MGMT: variants seen among roughly 807,000 people sequenced by gnomAD.
MGMT encodes the protein O-6-methylguanine-DNA methyltransferase, also known as methylated-DNA--protein-cysteine methyltransferase.
A neutral mutation model predicts 15.9 loss-of-function variants in MGMT; 14 were observed. That is an observed-to-expected ratio of 0.88 (90% CI 0.58 to 1.37). The LOEUF (loss-of-function observed/expected upper bound fraction) is 1.37, where lower values mean the gene tolerates loss of function less well. MGMT is among the 40% of genes most tolerant of loss of function. The pLI is 0.00. For synonymous variants in MGMT, 130 were observed against 118.2 expected, an observed-to-expected ratio of 1.10 and a Z score of -0.65; for missense variants, 282 against 268.1, an observed-to-expected ratio of 1.05 and a Z score of -0.36.
intron 2 of MGMT, 109 bp from the exon 3 acceptor site, chr10:129,707,786 A>G (rs1307473646): frequency 2.1e-6 from 3 of 1,449,668 alleles, no homozygotes; most frequent in Non-Finnish European, 9.5e-7. Flanking sequence ...GTGTGTGCCC[A>G]TGAAGCAGCC....
chr10:129,673,593 G>T (rs1424359551), intron 2 of MGMT, among the ~76,000 whole-genome samples: 1 of 152,100 alleles, frequency 6.6e-6, no homozygotes, highest in East Asian at 1.9e-4. Context: ...TGGGGGAGGT[G>T]AGCACTGGCC....
At position 129,646,518 on chromosome 10, in the gene MGMT, G is replaced by A. The variant is rs185440663; in HGVS notation, c.126-61377G>A. Reference sequence around the variant, plus strand: ...TTATGCCTGTGATCCTGCACAAATCGTCTCAAAGATCTTGGAAAATTGGTT... The same window carrying A: ...TTATGCCTGTGATCCTGCACAAATCATCTCAAAGATCTTGGAAAATTGGTT... On this transcript the variant is annotated intron_variant, in intron 2 of 4. Coordinates refer to ENST00000651593, the MANE Select transcript of MGMT (RefSeq NM_002412.5). Among the ~76,000 whole-genome samples, 376 of 151,536 alleles carry A rather than the reference G, an allele frequency of 2.5e-3. 1 individual carries two copies. The highest frequency in any genetic ancestry group is 4.3e-3 in the Non-Finnish European group (291 of 67,888).
chr10:129,567,986 A>G (rs1465510666), intron 2 of MGMT, among the ~76,000 whole-genome samples: 1 of 152,218 alleles, frequency 6.6e-6, no homozygotes, highest in Non-Finnish European at 1.5e-5. Flanking sequence ...TACTGTTCCC[A>G]TCGTAGCTTT....
intron 2 of MGMT, among the ~76,000 whole-genome samples, chr10:129,564,441 C>G: frequency 1.2e-5 from 1 of 82,848 alleles, no homozygotes; most frequent in African/African-American, 5.1e-5. Flanking sequence ...TCTTCCCCTT[C>G]TTCTTCCTCT....
rs1418352121 is a variant in MGMT at position 129,749,914 on chromosome 10, A to G, written c.275-9288A>G. On this transcript the variant is annotated intron_variant, in intron 3 of 4. Coordinates refer to ENST00000651593, the MANE Select transcript of MGMT (RefSeq NM_002412.5). ...TTGTGCTTATTTGTCACCTATATAT[A>G]TTCTTTGGTGAAGTGTCTGTTAAGA... is the stretch of plus-strand genomic sequence containing the variant. Among the ~76,000 whole-genome samples, 4 of 152,178 alleles carry G rather than the reference A, an allele frequency of 2.6e-5. No individual in the cohort carries two copies. The East Asian group carries it at 7.7e-4, about 29-fold the overall frequency.
intron 2 of MGMT, among the ~76,000 whole-genome samples, chr10:129,685,419 C>G (rs895786493): frequency 6.6e-6 from 1 of 152,206 alleles, no homozygotes; most frequent in African/African-American, 2.4e-5. Flanking sequence ...CTGTCTTCCC[C>G]TCCCTGTCTA....
chr10:129,691,966 G>T (rs756464248), intron 2 of MGMT, among the ~76,000 whole-genome samples: 2 of 152,148 alleles, frequency 1.3e-5, no homozygotes, highest in Admixed American at 1.3e-4. Flanking sequence ...TGGTTTTCTC[G>T]TTAATCAAAC....
intron 2 of MGMT, among the ~76,000 whole-genome samples, chr10:129,633,735 G>T (rs1322477809): frequency 6.6e-6 from 1 of 152,148 alleles, no homozygotes; most frequent in Non-Finnish European, 1.5e-5. Flanking sequence ...GTGGTTATAT[G>T]CATAAAAGAC....
chr10:129,708,076 TG>T, intron 3 of MGMT, 33 bp downstream of exon 3: 1 of 1,588,942 alleles, frequency 6.3e-7, no homozygotes, highest in Non-Finnish European at 8.6e-7. Context: ...GTGTTTCCTT[TG>T]GGGAGCTTGA....
At chr10:129,758,723 G>A (rs1013389938) in intron 3 of MGMT, among the ~76,000 whole-genome samples, 6 of 152,212 alleles carry the variant, frequency 3.9e-5, no homozygotes, top group African/African-American at 1.2e-4. Flanking sequence ...AATCCTGCAC[G>A]CGGCTGGAGG....
intron 2 of MGMT, among the ~76,000 whole-genome samples, chr10:129,583,974 G>A (rs781174057): frequency 6.6e-6 from 1 of 152,170 alleles, no homozygotes; most frequent in Non-Finnish European, 1.5e-5. Context: ...AGCTGGCAGA[G>A]GCTGCTCCAC....
At chr10:129,593,878 G>T (rs1199795278) in intron 2 of MGMT, among the ~76,000 whole-genome samples, 5 of 152,204 alleles carry the variant, frequency 3.3e-5, no homozygotes, top group Non-Finnish European at 1.5e-5. Context: ...GGCAAATGTC[G>T]GCAGAGAAGG....
chr10:129,628,362 G>A (rs1464202269), intron 2 of MGMT, among the ~76,000 whole-genome samples: 5 of 152,190 alleles, frequency 3.3e-5, no homozygotes, highest in Non-Finnish European at 7.3e-5. Context: ...AATGTTTCCC[G>A]ACATGTTTCA....
At chr10:129,468,897 A>C (rs1845200571) in intron 1 of MGMT, among the ~76,000 whole-genome samples, 1 of 152,192 alleles carries the variant, frequency 6.6e-6, no homozygotes, top group Non-Finnish European at 1.5e-5. Flanking sequence ...GGGGAAACAA[A>C]AAAATCTGTA....
chr10:129,534,221 G>A (rs776102553), intron 1 of MGMT, among the ~76,000 whole-genome samples: 2 of 152,156 alleles, frequency 1.3e-5, no homozygotes, highest in Non-Finnish European at 2.9e-5. Context: ...CATGGTAAGT[G>A]GAAGGCAGGT....
At chr10:129,744,866 T>C (rs1848676098) in intron 3 of MGMT, among the ~76,000 whole-genome samples, 5 of 152,212 alleles carry the variant, frequency 3.3e-5, no homozygotes, top group Admixed American at 3.3e-4. Context: ...CCCTTCACTG[T>C]CTTCCAGCCT....
chr10:129,770,547 C>T lies in MGMT; in HGVS notation c.*3550C>T, dbSNP rs77264978. ...CCGTAGCTGTGACCATGGGCGGTGG[C>T]GCCAGCTCGGACTTCACCCCGTTGG... On this transcript the variant is annotated 3_prime_UTR_variant, in exon 5 of 5. Transcript: ENST00000651593. Among the ~76,000 whole-genome samples, 484 of 152,306 alleles carry T rather than the reference C, an allele frequency of 3.2e-3. 18 individuals are homozygous for T. In the East Asian group the frequency reaches 0.074, roughly 23 times the overall value.
intron 2 of MGMT, among the ~76,000 whole-genome samples, chr10:129,604,059 T>C (rs1168101357): frequency 6.6e-6 from 1 of 152,174 alleles, no homozygotes; most frequent in Admixed American, 6.5e-5. Context: ...GTGCTATACA[T>C]TTGTAGCTTG....
chr10:129,534,630 TA>T (rs1260859900), intron 1 of MGMT, among the ~76,000 whole-genome samples: 1 of 151,844 alleles, frequency 6.6e-6, no homozygotes, highest in African/African-American at 2.4e-5. Context: ...CTTAGAAGCA[TA>T]TGTAAGACAC....
Sources: gnomAD v4.1 joint callset for allele counts (sites outside exome capture counted in the v4.1 genomes callset) on GRCh38, gnomAD v4.1.1 for gene constraint, MANE v1.5 for transcripts, NCBI Gene and HGNC (gene_info 2026-07-23, HGNC 2026-07-21) for gene names.